EVC: variants seen among roughly 807,000 people sequenced by gnomAD.
EVC encodes the protein evC complex member EVC.
EVC carries 116 observed loss-of-function variants against 118.9 expected under a neutral mutation model. The ratio of observed to expected loss-of-function variants is 0.98; its 90% CI spans 0.84 to 1.14. The LOEUF (loss-of-function observed/expected upper bound fraction) is 1.14. Among genes scored for constraint, EVC ranks in the 50% most tolerant of loss-of-function variants. The probability of loss-of-function intolerance (pLI) is 0.00; values close to 1 mark genes in which losing one functional copy is unlikely to be tolerated. For missense variants in EVC, 1,401 were observed against 1,246.4 expected, an observed-to-expected ratio of 1.12 and a Z score of -1.87; for synonymous variants, 619 against 534.7, an observed-to-expected ratio of 1.16 and a Z score of -2.18.
chr4:5,732,894 G>A (rs1392932336), intron 4 of EVC, among the ~76,000 whole-genome samples: 5 of 152,208 alleles, frequency 3.3e-5, no homozygotes, highest in East Asian at 1.9e-4. Context: ...CCTGTAGTCC[G>A]AGCTACACGG....
chr4:5,755,333 C>T lies in EVC; in HGVS notation c.1465-931C>T, dbSNP rs1044855813. Among the ~76,000 whole-genome samples the T allele has an allele frequency of 5.3e-5, 8 of 152,080 alleles. No individual in the cohort carries two copies. The highest frequency in any genetic ancestry group is 1.3e-4 in the Admixed American group (2 of 15,278). On this transcript the variant is annotated intron_variant, in intron 10 of 20. Coordinates refer to ENST00000264956, the MANE Select transcript of EVC (RefSeq NM_153717.3). This position sits in a 1 kb window ranked among gnomAD's most constrained non-coding sequence, Gnocchi z 4.1. ...AGTCCTCGGAACGCCTCAGCGCTGGCGTTCAGGACACGTGGGACGCAGGCA... is the reference window on the plus strand; with the variant it reads ...AGTCCTCGGAACGCCTCAGCGCTGGTGTTCAGGACACGTGGGACGCAGGCA...
chr4:5,768,652 T>A (rs768462740), intron 11 of EVC, among the ~76,000 whole-genome samples: 12 of 150,534 alleles, frequency 8.0e-5, no homozygotes, highest in Non-Finnish European at 1.6e-4. Context: ...AGGTCAAGAG[T>A]TCAAGACTAG....
intron 5 of EVC, among the ~76,000 whole-genome samples, chr4:5,739,787 G>A (rs1473091125): frequency 1.3e-5 from 2 of 151,942 alleles, no homozygotes; most frequent in Admixed American, 6.6e-5. Flanking sequence ...CTTACCAGGC[G>A]GGATGCAGTG....
Position 5,743,614 on chromosome 4 carries a change from G to C in EVC, c.802-1590G>C, listed in dbSNP as rs1560319438. Among the ~76,000 whole-genome samples the C allele has an allele frequency of 6.6e-6, 1 of 152,088 alleles. No individual in the cohort carries two copies. Among genetic ancestry groups the C allele is most frequent in the South Asian group, 2.1e-4 (1 of 4,812 alleles). On this transcript the variant is annotated intron_variant, in intron 6 of 20. Transcript: ENST00000264956. The surrounding 1 kb of genome is among the most constrained non-coding windows in gnomAD (Gnocchi z 4.7). ...TGTTCCTACCACTGTGAGATCTGGG[G>C]GTTTGGGAAGGAATGTTTCTTCTTT... is the stretch of plus-strand genomic sequence containing the variant.
At chr4:5,784,554 G>T (rs1736127022) in intron 12 of EVC, among the ~76,000 whole-genome samples, 1 of 151,626 alleles carries the variant, frequency 6.6e-6, no homozygotes, top group African/African-American at 2.4e-5. Flanking sequence ...TTCAGCTACA[G>T]CTTGTAGCAA....
chr4:5,775,708 G>T (rs542682974), intron 11 of EVC, among the ~76,000 whole-genome samples: 2 of 152,112 alleles, frequency 1.3e-5, no homozygotes, highest in South Asian at 4.1e-4. Context: ...GAGTCTTCTT[G>T]TGTTAGCCTA....
the EVC span, chr4:5,828,368 G>C: frequency 6.9e-7 from 1 of 1,446,220 alleles, no homozygotes; most frequent in Non-Finnish European, 9.1e-7. Context: ...AACAGATAAG[G>C]AAACGGAGGT....
chr4:5,728,950 A>AT (rs2151915932), intron 2 of EVC, among the ~76,000 whole-genome samples: 1 of 151,894 alleles, frequency 6.6e-6, no homozygotes, highest in African/African-American at 2.4e-5. Flanking sequence ...ATCCCCATCT[A>AT]TTTTTTCATC....
At chr4:5,768,129 A>G (rs1434092084) in intron 11 of EVC, among the ~76,000 whole-genome samples, 1 of 151,954 alleles carries the variant, frequency 6.6e-6, no homozygotes, top group Non-Finnish European at 1.5e-5. Flanking sequence ...GCTGGGGAGG[A>G]AGGTAGGGAG....
intron 11 of EVC, among the ~76,000 whole-genome samples, chr4:5,769,620 G>C (rs908367890): frequency 5.3e-5 from 8 of 152,122 alleles, no homozygotes; most frequent in Admixed American, 2.0e-4. Context: ...CGGGGCTCTG[G>C]GTGGAGTTTG....
downstream of EVC, among the ~76,000 whole-genome samples, chr4:5,817,765 G>T (rs923719438): frequency 6.6e-6 from 1 of 152,182 alleles, no homozygotes; most frequent in African/African-American, 2.4e-5. Context: ...AGTCTATAGA[G>T]ATTTGGCCCC....
At chr4:5,713,819 C>T (rs975708667) in intron 1 of EVC, among the ~76,000 whole-genome samples, 1 of 152,176 alleles carries the variant, frequency 6.6e-6, no homozygotes, top group Admixed American at 6.5e-5. Context: ...AAGAGAATCG[C>T]TTGAACCCAG....
At chr4:5,784,884 A>T (rs1696354089) in intron 12 of EVC, among the ~76,000 whole-genome samples, 1 of 152,220 alleles carries the variant, frequency 6.6e-6, no homozygotes, top group African/African-American at 2.4e-5. Flanking sequence ...CTGGGATTAC[A>T]GGCATGAGCC....
chr4:5,785,394 C>CG (rs35478164), intron 12 of EVC, among the ~76,000 whole-genome samples: 12,060 of 152,170 alleles, frequency 0.079, 506 homozygotes, highest in Middle Eastern at 0.15. Flanking sequence ...GTTGGGTTTG[C>CG]GATTAGTTAC....
intron 14 of EVC, chr4:5,797,463 G>A: frequency 1.7e-6 from 1 of 595,154 alleles, no homozygotes; most frequent in Non-Finnish European, 3.0e-6. Flanking sequence ...CAGGGTGTGG[G>A]CAGGGCCGCT....
rs1395518976 is a variant in EVC, at chr4:5,711,453, C to T, written c.73C>T (p.Pro25Ser). The T allele has an allele frequency of 6.8e-6, 7 of 1,033,664 alleles. No homozygotes were observed. Among genetic ancestry groups the T allele is most frequent in the Admixed American group, 1.1e-4 (2 of 18,140 alleles). The allele number at this position is 1,033,664 out of a possible 1,614,324, so 64.0% of individuals were successfully genotyped here. A position where few individuals can be genotyped will look rare whatever the true frequency, so the allele number is the denominator to read the frequency against. The change falls in exon 1 of 21, where the codon CCC (proline) becomes TCC (serine). Residue 25 changes from proline to serine, a missense_variant. Coordinates refer to ENST00000264956, the MANE Select transcript of EVC (RefSeq NM_153717.3). Reference protein sequence around the residue: ...LLGRDALRPAPALLAPAVLLG... With the variant: ...LLGRDALRPASALLAPAVLLG... ...GGGGCGGGACGCGCTGCGGCCGGCG[C>T]CCGCCCTGCTGGCCCCCGCCGTGCT...
rs1397751940 is a variant in EVC, at chr4:5,812,866, G to A, written c.*1829G>A. 7.7e-6 allele frequency: 1 copy of A among 130,074 alleles called. No individual in the cohort carries two copies. The highest frequency in any genetic ancestry group is 1.8e-5 in the Non-Finnish European group (1 of 56,852). The allele number at this position is 130,074 out of a possible 1,614,324, so 8.1% of individuals were successfully genotyped here. A position where few individuals can be genotyped will look rare whatever the true frequency, so the allele number is the denominator to read the frequency against. On this transcript the variant is annotated 3_prime_UTR_variant, in exon 21 of 21. Coordinates refer to ENST00000264956, the MANE Select transcript of EVC (RefSeq NM_153717.3). ...CCATGGGGTTATCACCCACTGTGCT[G>A]AGTCAAAGGGTGCCTTGCCCTGGTC...
At position 5,749,074 on chromosome 4, in the gene EVC, T is replaced by C. The variant is rs1196915165; in HGVS notation, c.1098+768T>C. Among the ~76,000 whole-genome samples, 2 of 152,028 alleles carry C rather than the reference T, an allele frequency of 1.3e-5. No individual in the cohort carries two copies. Among genetic ancestry groups the C allele is most frequent in the African/African-American group, 4.8e-5 (2 of 41,400 alleles). On this transcript the variant is annotated intron_variant, in intron 8 of 20. Transcript: ENST00000264956. The surrounding 1 kb of genome is among the most constrained non-coding windows in gnomAD (Gnocchi z 4.4). ...GTGTAGACAGAGCATTGATTGACTT[T>C]CCTGATTGCCCTGTTTTGCCTGCAG... is the stretch of plus-strand genomic sequence containing the variant.
intron 17 of EVC, among the ~76,000 whole-genome samples, chr4:5,806,884 G>A (rs1324114646): frequency 6.6e-6 from 1 of 152,128 alleles, no homozygotes; most frequent in Non-Finnish European, 1.5e-5. Context: ...ATTCTAACTG[G>A]GGTAAGATGA....
Sources: allele counts gnomAD v4.1 joint callset (sites outside exome capture counted in the v4.1 genomes callset), GRCh38; gene constraint gnomAD v4.1.1; non-coding constraint Gnocchi (gnomAD v3.1); transcripts MANE v1.5; gene names NCBI Gene and HGNC (gene_info 2026-07-23, HGNC 2026-07-21).